The following EBF2 variants were observed in gnomAD, a reference collection of about 807,000 sequenced individuals.
EBF2 encodes the protein transcription factor COE2.
In EBF2, 21 loss-of-function variants were observed where a neutral mutation model predicts 72.8. The observed-to-expected ratio is 0.29, with a 90% CI of 0.20 to 0.42. The LOEUF is 0.42. EBF2 is among the 10% of genes least tolerant of loss of function. The probability of loss-of-function intolerance (pLI) is 1.00; values close to 1 mark genes in which losing one functional copy is unlikely to be tolerated. For synonymous variants in EBF2, 299 were observed against 274.2 expected (o/e 1.09, Z -0.89); for missense variants, 637 against 731.2 (o/e 0.87, Z 1.49).
At position 25,954,762 on chromosome 8, in the gene EBF2, C is replaced by T. The variant is rs147381085; in HGVS notation, c.552-46207G>A. On this transcript the variant is annotated intron_variant, in intron 6 of 15. Coordinates refer to ENST00000520164, the MANE Select transcript of EBF2 (RefSeq NM_022659.4). ...TCCCTCCCTTGGCACAGAAAGCCCTCGCGGCTCCCCAAGCCTGTTTGGGTC... is the reference window on the plus strand; with the variant it reads ...TCCCTCCCTTGGCACAGAAAGCCCTTGCGGCTCCCCAAGCCTGTTTGGGTC... Among the ~76,000 whole-genome samples, 492 of 152,284 alleles carry T rather than the reference C, an allele frequency of 3.2e-3. 2 individuals carry two copies. The highest frequency in any genetic ancestry group is 0.011 in the African/African-American group (468 of 41,566).
chr8:25,901,095 C>G (rs896583380), intron 7 of EBF2, among the ~76,000 whole-genome samples: 24 of 152,032 alleles, frequency 1.6e-4, no homozygotes, highest in African/African-American at 5.8e-4. Flanking sequence ...GCATGTACCC[C>G]ATAAAGATTG....
chr8:25,978,106 C>T (rs1192596180), intron 6 of EBF2, among the ~76,000 whole-genome samples: 1 of 152,162 alleles, frequency 6.6e-6, no homozygotes, highest in East Asian at 1.9e-4. Flanking sequence ...ACCGAACCCT[C>T]GTCACACTGG....
intron 6 of EBF2, among the ~76,000 whole-genome samples, chr8:25,931,526 C>G (rs1051823914): frequency 3.3e-5 from 5 of 152,140 alleles, no homozygotes; most frequent in Non-Finnish European, 4.4e-5. Flanking sequence ...CAAATTGCTC[C>G]TTTGATGAAT....
chr8:25,896,443 G>A (rs1043221668), intron 7 of EBF2, among the ~76,000 whole-genome samples: 1 of 152,140 alleles, frequency 6.6e-6, no homozygotes. Flanking sequence ...CATACACTCA[G>A]CTAAATAAAA....
chr8:25,878,423 G>A (rs1368138628), intron 10 of EBF2, among the ~76,000 whole-genome samples: 1 of 152,216 alleles, frequency 6.6e-6, no homozygotes, highest in Non-Finnish European at 1.5e-5. Flanking sequence ...TGACCAGAGT[G>A]AGGACTCAGC....
Position 25,844,626 on chromosome 8 carries a change from C to G in EBF2, c.1711G>C (p.Val571Leu), listed in dbSNP as rs369189435. ...GTTCTTCTTTACATCGGGGGTACAA[C>G]AAGTCCGGTCATGGCTGCAAGGAAA... ...GNGFRAMTGL[V>L]VPPM The change falls in exon 16 of 16, where the codon GTT becomes CTT. Residue 571 changes from valine to leucine, a missense_variant. This residue lies in a region of EBF2 where 259 missense variants were observed against 268.1 expected (regional missense o/e 0.97). Coordinates refer to ENST00000520164, the MANE Select transcript of EBF2 (RefSeq NM_022659.4). 5.6e-6 allele frequency: 9 copies of G among 1,614,038 alleles called. No homozygotes were observed. Among genetic ancestry groups the G allele is most frequent in the South Asian group, 2.2e-5 (2 of 91,088 alleles).
At chr8:25,925,709 G>A (rs76408988) in intron 6 of EBF2, among the ~76,000 whole-genome samples, 163 of 152,246 alleles carry the variant, frequency 1.1e-3, no homozygotes, top group Non-Finnish European at 1.9e-3. Flanking sequence ...AGTCTTCTTC[G>A]GAGGTCTGTG....
chr8:26,033,071 CT>C lies in EBF2; in HGVS notation c.551+13del, dbSNP rs755471394. 1.9e-6 allele frequency: 3 copies of C among 1,612,778 alleles called. No individual in the cohort carries two copies. The highest frequency in any genetic ancestry group is 2.2e-5 in the South Asian group (2 of 91,050). On this transcript the variant is annotated intron_variant, in intron 6 of 15. Coordinates refer to ENST00000520164, the MANE Select transcript of EBF2 (RefSeq NM_022659.4). Reference sequence around the variant, plus strand: ...GGAACCAAAAATGATTGAAAAATCACTTTTTCCCCCTACCTGTCAATTATGA... The same window carrying C: ...GGAACCAAAAATGATTGAAAAATCACTTTTCCCCCTACCTGTCAATTATGA...
chr8:26,040,379 C>G (rs902314589), intron 4 of EBF2, among the ~76,000 whole-genome samples: 4 of 151,938 alleles, frequency 2.6e-5, no homozygotes, highest in Non-Finnish European at 5.9e-5. Context: ...TTTTTGTTCG[C>G]CTCTTACTGC....
chr8:25,975,311 T>C (rs1031464586), intron 6 of EBF2, among the ~76,000 whole-genome samples: 4 of 152,192 alleles, frequency 2.6e-5, no homozygotes, highest in African/African-American at 9.6e-5. Flanking sequence ...GGTTTCATTC[T>C]CGATGAAGTT....
chr8:26,003,980 T>C (rs1010088072), intron 6 of EBF2, among the ~76,000 whole-genome samples: 17 of 152,122 alleles, frequency 1.1e-4, no homozygotes, highest in African/African-American at 3.9e-4. Flanking sequence ...TCTCTCATCT[T>C]TGTTTTCTGT....
intron 10 of EBF2, among the ~76,000 whole-genome samples, chr8:25,881,139 C>T (rs1336290670): frequency 3.3e-5 from 5 of 152,216 alleles, no homozygotes; most frequent in Non-Finnish European, 5.9e-5. Flanking sequence ...ACCTGGCTTC[C>T]AAGCCATCCT....
chr8:26,000,823 A>C (rs2117219653), intron 6 of EBF2, among the ~76,000 whole-genome samples: 1 of 152,342 alleles, frequency 6.6e-6, no homozygotes, highest in African/African-American at 2.4e-5. Flanking sequence ...ACAACAATCA[A>C]CAGGCACAAC....
At position 25,987,969 on chromosome 8, in the gene EBF2, T is replaced by C. The variant is rs535591734; in HGVS notation, c.551+45116A>G. ...GCTAGGTTTTTTATAGAGACTCTCA[T>C]AATTCACTGAATTTTTTCATAACAT... On this transcript the variant is annotated intron_variant, in intron 6 of 15. Coordinates refer to ENST00000520164, the MANE Select transcript of EBF2 (RefSeq NM_022659.4). Among the ~76,000 whole-genome samples the C allele has an allele frequency of 2.0e-5, 3 of 152,332 alleles. 1 individual carries two copies. In the South Asian group the frequency reaches 6.2e-4, roughly 32 times the overall value.
rs74689586 is a variant in EBF2 at position 25,886,225 on chromosome 8, A to T, written c.1009+530T>A. ...TTTGCAATATACCGTTGTCTCCTTC[A>T]AAAGTTTCTAAACTTCCAAGTGGGG... On this transcript the variant is annotated intron_variant, in intron 10 of 15. Transcript: ENST00000520164. Among the ~76,000 whole-genome samples, 377 of 152,334 alleles carry T rather than the reference A, an allele frequency of 2.5e-3. 4 individuals carry two copies. The highest frequency in any genetic ancestry group is 8.5e-3 in the African/African-American group (354 of 41,564).
chr8:26,005,918 C>T (rs116664047), intron 6 of EBF2, among the ~76,000 whole-genome samples: 1,804 of 151,926 alleles, frequency 0.012, 41 homozygotes, highest in African/African-American at 0.037. Flanking sequence ...CCAAAGTAGC[C>T]GCAGTTTAAT....
In EBF2 at chr8:25,908,432, A is replaced by G. The variant is rs747210754; in HGVS notation, c.633+42T>C. The G allele has an allele frequency of 2.8e-6, 4 of 1,421,670 alleles. No homozygotes were observed. In the South Asian group the frequency reaches 4.8e-5, roughly 17 times the overall value. The allele number at this position is 1,421,670 out of a possible 1,614,324, so 88.1% of individuals were successfully genotyped here. A position where few individuals can be genotyped will look rare whatever the true frequency, so the allele number is the denominator to read the frequency against. The stretch of plus-strand genomic sequence containing the variant: ...AAAGAGTGAGAAGGAGAGAGAAAAC[A>G]GGATGACTTATTTAACAGGAAAGAT... On this transcript the variant is annotated intron_variant, in intron 7 of 15. Coordinates refer to ENST00000520164, the MANE Select transcript of EBF2 (RefSeq NM_022659.4).
intron 5 of EBF2, 40 bp downstream of exon 5, chr8:26,039,988 G>A (rs978587218): frequency 1.2e-6 from 2 of 1,605,366 alleles, no homozygotes; most frequent in Non-Finnish European, 1.7e-6. Flanking sequence ...TGGAGCACCT[G>A]CGGGCTCTCC....
rs112211291 is a variant in EBF2 at position 25,898,450 on chromosome 8, T to TA, written c.634-8582dup. Among the ~76,000 whole-genome samples, 416 of 144,336 alleles carry TA rather than the reference T, an allele frequency of 2.9e-3. 3 individuals are homozygous for TA. Among genetic ancestry groups the TA allele is most frequent in the Middle Eastern group, 7.1e-3 (2 of 280 alleles). The allele number at this position is 144,336 out of a possible 152,430, so 94.7% of individuals were successfully genotyped here. On this transcript the variant is annotated intron_variant, in intron 7 of 15. Coordinates refer to ENST00000520164, the MANE Select transcript of EBF2 (RefSeq NM_022659.4). ...CCCAATTGAGAAATCCAGTGGCAAT[T>TA]AAAAAAAAAAAAACCAGCTTTTCAT...
Sources: allele counts gnomAD v4.1 joint callset (sites outside exome capture counted in the v4.1 genomes callset), GRCh38; gene constraint gnomAD v4.1.1; regional missense constraint gnomAD v4.1.1; transcripts MANE v1.5; gene names NCBI Gene and HGNC (gene_info 2026-07-23, HGNC 2026-07-21).